The following COL14A1 variants were observed in gnomAD, a reference collection of about 807,000 sequenced individuals.
The protein encoded by COL14A1 is collagen type XIV alpha 1 chain.
A neutral mutation model predicts 230.3 loss-of-function variants in COL14A1; 136 were observed. The observed-to-expected ratio is 0.59, with a 90% CI of 0.51 to 0.68. COL14A1 has a LOEUF of 0.68. Ranked by LOEUF, COL14A1 falls within the 30% of genes least tolerant of loss-of-function variation. The probability of loss-of-function intolerance (pLI) is 0.00; values close to 1 mark genes in which losing one functional copy is unlikely to be tolerated. For missense variants in COL14A1, 1,976 were observed against 2,215.8 expected (o/e 0.89, Z 2.17); for synonymous variants, 792 against 784.1 (o/e 1.01, Z -0.17).
intron 14 of COL14A1, among the ~76,000 whole-genome samples, chr8:120,221,483 A>G (rs1195482071): frequency 6.6e-6 from 1 of 152,146 alleles, no homozygotes; most frequent in East Asian, 1.9e-4. Context: ...CAATGCTGAA[A>G]TTATGTAAAA....
intron 47 of COL14A1, chr8:120,370,500 A>G (rs916022027): frequency 5.0e-5 from 75 of 1,498,512 alleles, no homozygotes; most frequent in Middle Eastern, 3.5e-4. Context: ...CTTCTTCTGC[A>G]TCCCTGCCTT....
intron 24 of COL14A1, among the ~76,000 whole-genome samples, chr8:120,263,964 T>G (rs1268522205): frequency 6.6e-6 from 1 of 152,224 alleles, no homozygotes; most frequent in African/African-American, 2.4e-5. Context: ...ACATGTATTT[T>G]TGAGGTATAA....
intron 1 of COL14A1, among the ~76,000 whole-genome samples, chr8:120,137,785 T>G (rs1249260365): frequency 6.6e-6 from 1 of 152,044 alleles, no homozygotes; most frequent in East Asian, 1.9e-4. Flanking sequence ...TATTCATTTT[T>G]TTTTAATTAG....
chr8:120,282,327 A>T (rs1820062897), intron 31 of COL14A1, among the ~76,000 whole-genome samples: 1 of 152,116 alleles, frequency 6.6e-6, no homozygotes, highest in African/African-American at 2.4e-5. Context: ...CACCTAGCTC[A>T]CTCAGACTCG....
chr8:120,241,491 A>T (rs930497300), intron 19 of COL14A1, among the ~76,000 whole-genome samples: 16 of 152,222 alleles, frequency 1.1e-4, no homozygotes, highest in African/African-American at 3.4e-4. Context: ...TCTGAAAAAA[A>T]TTAAAAGCAT....
intron 4 of COL14A1, among the ~76,000 whole-genome samples, chr8:120,165,960 A>G (rs759992667): frequency 3.3e-5 from 5 of 152,104 alleles, no homozygotes; most frequent in Non-Finnish European, 5.9e-5. Flanking sequence ...GGGGATTTGA[A>G]GTAAGCAGGC....
chr8:120,365,463 G>A (rs6990426), intron 45 of COL14A1, among the ~76,000 whole-genome samples: 8,842 of 152,138 alleles, frequency 0.058, 341 homozygotes, highest in Middle Eastern at 0.12. Context: ...ATGGATTCTC[G>A]GCTAAATTCC....
At chr8:120,370,923 G>T in intron 47 of COL14A1, 1 of 1,175,518 alleles carries the variant, frequency 8.5e-7, no homozygotes, top group East Asian at 3.0e-5. Context: ...TTAAATGGTT[G>T]GTTATGATTC....
Position 120,371,146 on chromosome 8 carries a change from C to G in COL14A1, c.5312-6C>G. The G allele has an allele frequency of 6.2e-7, 1 of 1,604,654 alleles. No individual in the cohort carries two copies. The highest frequency in any genetic ancestry group is 8.5e-7 in the Non-Finnish European group (1 of 1,176,886). Reference sequence around the variant, plus strand: ...GCAAGTCCCCACCCCCACTTTTCCTCTTTAGCTCCCCATCCAGATCAGCCA... The same window carrying G: ...GCAAGTCCCCACCCCCACTTTTCCTGTTTAGCTCCCCATCCAGATCAGCCA... On this transcript the variant is annotated splice_region_variant and splice_polypyrimidine_tract_variant and intron_variant, in intron 47 of 47. Transcript: ENST00000297848.
chr8:120,229,463 AG>A (rs1818198800), intron 18 of COL14A1, among the ~76,000 whole-genome samples: 1 of 152,102 alleles, frequency 6.6e-6, no homozygotes, highest in Non-Finnish European at 1.5e-5. Flanking sequence ...ATGGCTGCAT[AG>A]TATTCCATGG....
chr8:120,360,381 A>G (rs1471715790), intron 45 of COL14A1, among the ~76,000 whole-genome samples: 6 of 152,180 alleles, frequency 3.9e-5, no homozygotes, highest in South Asian at 2.1e-4. Flanking sequence ...AGTCTGGCAC[A>G]CAAAGCTTGT....
At position 120,362,456 on chromosome 8, in the gene COL14A1, A is replaced by G. The variant is rs1021778628; in HGVS notation, c.5078-4715A>G. 2.0e-5 allele frequency among the ~76,000 whole-genome samples: 3 copies of G among 152,200 alleles called. No homozygotes were observed. In the East Asian group the frequency reaches 5.8e-4, roughly 29 times the overall value. On this transcript the variant is annotated intron_variant, in intron 45 of 47. Coordinates refer to ENST00000297848, the MANE Select transcript of COL14A1 (RefSeq NM_021110.4). Reference sequence around the variant, plus strand: ...TCATTCATCCATTGCTTTAACAGATATTTCTTGAGTGCTTAATGTGTGACT... The same window carrying G: ...TCATTCATCCATTGCTTTAACAGATGTTTCTTGAGTGCTTAATGTGTGACT...
At position 120,216,439 on chromosome 8, in the gene COL14A1, C is replaced by A; in HGVS notation, c.1686C>A (p.Ile562=). ...CCTGGGACCCAACTTCAAGACAGAT[C>A]AATGGTTATCGAATTGTATATAACA... ...RLTWDPTSRQ[I]NGYRIVYNNA... Residue 562 remains isoleucine, a synonymous_variant, in exon 14 of 48, where the codon ATC becomes ATA. Transcript: ENST00000297848. 1 of 1,613,604 alleles carries A rather than the reference C, an allele frequency of 6.2e-7. No homozygotes were observed. The highest frequency in any genetic ancestry group is 1.1e-5 in the South Asian group (1 of 91,036).
intron 34 of COL14A1, among the ~76,000 whole-genome samples, chr8:120,291,516 C>T (rs572355341): frequency 4.2e-5 from 6 of 144,014 alleles, no homozygotes; most frequent in Admixed American, 2.1e-4. Flanking sequence ...ACCAAGATCG[C>T]GCCACTGCAC....
At chr8:120,256,542 A>T (rs1306967082) in intron 23 of COL14A1, among the ~76,000 whole-genome samples, 3 of 152,214 alleles carry the variant, frequency 2.0e-5, no homozygotes, top group Non-Finnish European at 4.4e-5. Context: ...TGATGTAAGG[A>T]TCCTTCCAGC....
At chr8:120,206,412 A>C (rs1817433697) in intron 9 of COL14A1, among the ~76,000 whole-genome samples, 1 of 152,148 alleles carries the variant, frequency 6.6e-6, no homozygotes, top group Non-Finnish European at 1.5e-5. Flanking sequence ...GTGCAGTGGC[A>C]CGATCTCGGC....
At chr8:120,204,684 G>A (rs1817373307) in intron 9 of COL14A1, among the ~76,000 whole-genome samples, 1 of 152,148 alleles carries the variant, frequency 6.6e-6, no homozygotes, top group Non-Finnish European at 1.5e-5. Context: ...CTGGGACAAT[G>A]CCCAGTAGTA....
In COL14A1 at chr8:120,139,241, T is replaced by C. The variant is rs146756390; in HGVS notation, c.-37-8565T>C. Among the ~76,000 whole-genome samples, 403 of 152,346 alleles carry C rather than the reference T, an allele frequency of 2.6e-3. 1 individual carries two copies. The highest frequency in any genetic ancestry group is 4.0e-3 in the Non-Finnish European group (274 of 68,034). On this transcript the variant is annotated intron_variant, in intron 1 of 47. Coordinates refer to ENST00000297848, the MANE Select transcript of COL14A1 (RefSeq NM_021110.4). ...TGTGTCTCTGATTCTTATTTTTCTT[T>C]CGTATAAAATATGCTTAAATATCAC... is the stretch of plus-strand genomic sequence containing the variant.
chr8:120,204,693 T>C (rs1817373641), intron 9 of COL14A1, among the ~76,000 whole-genome samples: 1 of 152,222 alleles, frequency 6.6e-6, no homozygotes. Context: ...TGCCCAGTAG[T>C]ACAATGGCTG....
Sources: allele counts gnomAD v4.1 joint callset (sites outside exome capture counted in the v4.1 genomes callset), GRCh38; gene constraint gnomAD v4.1.1; transcripts MANE v1.5; gene names NCBI Gene and HGNC (gene_info 2026-07-23, HGNC 2026-07-21).